Variants in GCSAM observed in about 807,000 individuals in gnomAD.
GCSAM encodes the protein germinal center-associated signaling and motility protein.
Under a neutral mutation model 17.6 loss-of-function variants are expected in GCSAM, and 8 were observed. That is an observed-to-expected ratio of 0.46 (90% CI 0.27 to 0.82). The LOEUF (loss-of-function observed/expected upper bound fraction) is 0.82, where lower values mean the gene tolerates loss of function less well. GCSAM is among the 40% of genes least tolerant of loss of function. GCSAM has a pLI of 0.15. For synonymous variants in GCSAM, 68 were observed against 69.0 expected (o/e 0.98, Z 0.07); for missense variants, 192 against 213.5 (o/e 0.90, Z 0.63).
chr3:112,121,108 T>A lies in GCSAM; in HGVS notation c.*2347A>T, dbSNP rs1229058145. 2.0e-5 allele frequency: 3 copies of A among 152,194 alleles called. No homozygotes were observed. Among genetic ancestry groups the A allele is most frequent in the Non-Finnish European group, 4.4e-5 (3 of 68,038 alleles). The allele number at this position is 152,194 out of a possible 1,614,324, so 9.4% of individuals were successfully genotyped here. A position where few individuals can be genotyped will look rare whatever the true frequency, so the allele number is the denominator to read the frequency against. The stretch of plus-strand genomic sequence containing the variant: ...ACATTATAAGAACAACTTTCTTTGG[T>A]TAAACATTTATATTTAATGTGTCCC... On this transcript the variant is annotated 3_prime_UTR_variant, in exon 6 of 6. Transcript: ENST00000308910.
chr3:112,126,827 A>T (rs547402368), intron 4 of GCSAM, among the ~76,000 whole-genome samples, 160 bp downstream of exon 4: 37 of 152,342 alleles, frequency 2.4e-4, no homozygotes, highest in African/African-American at 8.7e-4. Context: ...TGAGCTCACC[A>T]TCTACTGAGG....
rs16859261 is a variant in GCSAM at position 112,123,584 on chromosome 3, T to C, written c.408A>G (p.Thr136=). 58,373 of 1,614,090 alleles carry C rather than the reference T, an allele frequency of 0.036. 1,428 individuals carry two copies. The highest frequency in any genetic ancestry group is 0.11 in the South Asian group (9,648 of 91,072). The change falls in exon 6 of 6, where the codon ACA becomes ACG. Residue 136 remains threonine, a synonymous_variant. Transcript: ENST00000308910. ...CTGGGGATCGGGCATGCCTGGGGTC[T>C]GTAGAAGGCATATGTAGAAGTGAAT... ...TEYSLLHMPS[T]DPRHARSPED... is the part of the protein sequence containing the mutation.
chr3:112,124,724 G>A (rs1427274809), intron 5 of GCSAM, among the ~76,000 whole-genome samples: 1 of 152,170 alleles, frequency 6.6e-6, no homozygotes, highest in Non-Finnish European at 1.5e-5. Flanking sequence ...CGACTCAAGG[G>A]AAGGTTTCAC....
intron 2 of GCSAM, chr3:112,130,129 A>G: frequency 3.3e-6 from 1 of 306,140 alleles, no homozygotes; most frequent in Non-Finnish European, 6.2e-6. Flanking sequence ...GAGGTTGAGC[A>G]CAAAGGTACC....
At chr3:112,132,879 T>G in intron 1 of GCSAM, 1 of 528,208 alleles carries the variant, frequency 1.9e-6, no homozygotes, top group Non-Finnish European at 3.2e-6. Flanking sequence ...CTCCATCAGC[T>G]GCTCACCATG....
intron 4 of GCSAM, among the ~76,000 whole-genome samples, chr3:112,125,567 T>A (rs760660692): frequency 2.6e-5 from 4 of 152,216 alleles, no homozygotes; most frequent in Non-Finnish European, 5.9e-5. Context: ...TACACAAAAT[T>A]GATTTGTGTT....
At position 112,123,755 on chromosome 3, in the gene GCSAM, G is replaced by T. The variant is rs1282460078; in HGVS notation, c.237C>A (p.Thr79=). The change falls in exon 6 of 6, where the codon ACC becomes ACA. Residue 79 remains threonine (T), a synonymous_variant. Coordinates refer to ENST00000308910, the MANE Select transcript of GCSAM (RefSeq NM_152785.5). ...STPIQDNVDQ[T]YSEELCYTLI... ...GGGTATAGCACAGCTCCTCTGAGTA[G>T]GTCTGGTCAACATTGTCCTGCTTGT... 3.1e-6 allele frequency: 5 copies of T among 1,612,856 alleles called. No homozygotes were observed. Among genetic ancestry groups the T allele is most frequent in the Non-Finnish European group, 4.2e-6 (5 of 1,179,148 alleles).
At chr3:112,128,933 T>C (rs193246461) in intron 2 of GCSAM, 2 of 152,310 alleles carry the variant, frequency 1.3e-5, no homozygotes, top group Non-Finnish European at 2.9e-5. Context: ...CATCCAAAAA[T>C]ATCTCCCCCC....
intron 2 of GCSAM, 86 bp downstream of exon 2, chr3:112,130,359 C>G: frequency 2.9e-6 from 3 of 1,038,826 alleles, no homozygotes; most frequent in South Asian, 2.5e-5. Context: ...AGGGCCCTCT[C>G]TCACTGGGAT....
chr3:112,128,514 T>A (rs2074380645), intron 2 of GCSAM: 1 of 303,404 alleles, frequency 3.3e-6, no homozygotes, highest in South Asian at 3.1e-5. Flanking sequence ...GTCTATATTC[T>A]ACACTAGAAT....
intron 4 of GCSAM, 70 bp downstream of exon 4, chr3:112,126,917 C>T (rs1214950254): frequency 1.9e-6 from 2 of 1,056,458 alleles, no homozygotes; most frequent in African/African-American, 3.2e-5. Flanking sequence ...GCTTTGGGAA[C>T]ATAGAGAAGA....
intron 2 of GCSAM, chr3:112,129,075 T>C (rs1212216157): frequency 1.3e-5 from 2 of 152,216 alleles, no homozygotes; most frequent in Non-Finnish European, 2.9e-5. Flanking sequence ...ATCAAAGCCT[T>C]TGGGGCCCAG....
chr3:112,130,386 G>GCCCAAGGAGA, intron 2 of GCSAM, 59 bp downstream of exon 2: 1 of 1,375,816 alleles, frequency 7.3e-7, no homozygotes, highest in Non-Finnish European at 1.0e-6. Flanking sequence ...TCCAGGGCTT[G>GCCCAAGGAGA]ACATACTTCG....
intron 4 of GCSAM, 63 bp downstream of exon 4, chr3:112,126,924 A>G (rs2074333857): frequency 1.8e-6 from 2 of 1,104,066 alleles, no homozygotes; most frequent in Non-Finnish European, 2.8e-6. Flanking sequence ...GAACATAGAG[A>G]AGAAGTAGTT....
Position 112,128,167 on chromosome 3 carries a change from G to T in GCSAM, c.99-106C>A, listed in dbSNP as rs778100536. The T allele has an allele frequency of 6.5e-6, 6 of 929,490 alleles. No individual in the cohort carries two copies. The South Asian group carries it at 8.2e-5, about 13-fold the overall frequency. 57.6% of individuals were successfully genotyped at this position (929,490 alleles called of 1,614,324 possible). On this transcript the variant is annotated intron_variant, in intron 2 of 5. Coordinates refer to ENST00000308910, the MANE Select transcript of GCSAM (RefSeq NM_152785.5). ...TCTGTGGAAAACTTTTTTTCTCCCCGCAAGCGTGTTTCATTCTAGATAACT... is the reference window on the plus strand; with the variant it reads ...TCTGTGGAAAACTTTTTTTCTCCCCTCAAGCGTGTTTCATTCTAGATAACT...
chr3:112,125,865 G>A (rs903170146), intron 4 of GCSAM, among the ~76,000 whole-genome samples: 3 of 152,208 alleles, frequency 2.0e-5, no homozygotes, highest in African/African-American at 7.2e-5. Context: ...ATTTTTCAAA[G>A]CCTAGTTAAA....
rs1576167101 is a variant in GCSAM at position 112,128,001 on chromosome 3, A to G, written c.143+16T>C. On this transcript the variant is annotated intron_variant, in intron 3 of 5. Coordinates refer to ENST00000308910, the MANE Select transcript of GCSAM (RefSeq NM_152785.5). ...ACACTTAGGGAAATAACTCCTAAAA[A>G]CAACTGTCCACTCACCATGGAAGGC... is the stretch of plus-strand genomic sequence containing the variant. 1 of 1,611,116 alleles carries G rather than the reference A, an allele frequency of 6.2e-7. No individual in the cohort carries two copies. The highest frequency in any genetic ancestry group is 8.5e-7 in the Non-Finnish European group (1 of 1,177,386).
intron 2 of GCSAM, chr3:112,129,836 T>C (rs4619760): frequency 1.3e-5 from 2 of 152,278 alleles, no homozygotes; most frequent in East Asian, 3.8e-4. Context: ...AAAGCACAGA[T>C]AACTTTACAG....
At chr3:112,131,381 T>TG (rs1167452644) in intron 1 of GCSAM, among the ~76,000 whole-genome samples, 2 of 152,064 alleles carry the variant, frequency 1.3e-5, no homozygotes, top group African/African-American at 2.4e-5. Flanking sequence ...GAGACACGGT[T>TG]GGGGGGGTAT....
Sources: allele counts gnomAD v4.1 joint callset (sites outside exome capture counted in the v4.1 genomes callset), GRCh38; gene constraint gnomAD v4.1.1; transcripts MANE v1.5; gene names NCBI Gene and HGNC (gene_info 2026-07-23, HGNC 2026-07-21).